The following PKIA variants were observed in gnomAD, a reference collection of about 807,000 sequenced individuals.
PKIA encodes the protein PKI-alpha.
In PKIA, 4 loss-of-function variants were observed where a neutral mutation model predicts 7.6. The observed-to-expected ratio is 0.52, with a 90% CI of 0.26 to 1.20. The LOEUF (loss-of-function observed/expected upper bound fraction) is 1.20. Among genes scored for constraint, PKIA ranks in the 50% most tolerant of loss-of-function variants. PKIA has a pLI of 0.13. For synonymous variants in PKIA, 21 were observed against 30.7 expected (o/e 0.68, Z 1.04); for missense variants, 73 against 86.2 (o/e 0.85, Z 0.61).
chr8:78,600,216 T>C (rs778989179), intron 3 of PKIA, among the ~76,000 whole-genome samples: 25 of 152,098 alleles, frequency 1.6e-4, no homozygotes, highest in Non-Finnish European at 3.2e-4. Context: ...AATAACTGTA[T>C]AATATGAAGA....
intron 2 of PKIA, among the ~76,000 whole-genome samples, chr8:78,573,894 A>G (rs1390289690): frequency 6.6e-6 from 1 of 151,930 alleles, no homozygotes; most frequent in Non-Finnish European, 1.5e-5. Flanking sequence ...CAAAACACAT[A>G]TTTGCCAAGG....
At chr8:78,547,792 G>A (rs1326559920) in intron 1 of PKIA, among the ~76,000 whole-genome samples, 1 of 152,062 alleles carries the variant, frequency 6.6e-6, no homozygotes, top group Non-Finnish European at 1.5e-5. Context: ...TCAAAAATTA[G>A]GAGGTTTACT....
At chr8:78,592,077 A>G (rs1177710857) in intron 2 of PKIA, among the ~76,000 whole-genome samples, 1 of 152,110 alleles carries the variant, frequency 6.6e-6, no homozygotes, top group Non-Finnish European at 1.5e-5. Flanking sequence ...TTTATCTCTC[A>G]GAGTCATATT....
intron 2 of PKIA, 30 bp from the exon 3 acceptor site, chr8:78,598,328 T>C: frequency 2.2e-6 from 3 of 1,378,770 alleles, no homozygotes; most frequent in East Asian, 2.3e-5. Context: ...TACCATTATA[T>C]TCACCTATTA....
intron 2 of PKIA, among the ~76,000 whole-genome samples, chr8:78,578,570 T>A (rs1807732561): frequency 6.6e-6 from 1 of 151,992 alleles, no homozygotes; most frequent in Non-Finnish European, 1.5e-5. Context: ...AAGCTCTCGT[T>A]AGAATATCAA....
chr8:78,518,095 CCTTT>C (rs1249577253), intron 1 of PKIA, among the ~76,000 whole-genome samples: 3 of 152,140 alleles, frequency 2.0e-5, no homozygotes, highest in African/African-American at 4.8e-5. Context: ...ATCATTATTG[CCTTT>C]CTATTACAAA....
chr8:78,598,143 T>C (rs1359468251), intron 2 of PKIA, among the ~76,000 whole-genome samples: 4 of 148,834 alleles, frequency 2.7e-5, no homozygotes, highest in Admixed American at 6.8e-5. Context: ...GAATATTAAA[T>C]ATTACATTTA....
intron 2 of PKIA, among the ~76,000 whole-genome samples, chr8:78,598,058 CATA>C (rs545400309): frequency 7.4e-5 from 11 of 147,798 alleles, no homozygotes; most frequent in African/African-American, 2.0e-4. Context: ...TGTAAAAATA[CATA>C]ATAATATGTA....
intron 2 of PKIA, among the ~76,000 whole-genome samples, chr8:78,589,404 G>T: frequency 6.6e-6 from 1 of 152,198 alleles, no homozygotes; most frequent in Non-Finnish European, 1.5e-5. Flanking sequence ...TCTAAAGAAA[G>T]ATAGTACTTC....
chr8:78,562,548 C>T (rs1195230711), intron 1 of PKIA, among the ~76,000 whole-genome samples: 3 of 152,144 alleles, frequency 2.0e-5, no homozygotes, highest in Non-Finnish European at 4.4e-5. Context: ...GGCATGTTTG[C>T]CTTTTTCAAG....
chr8:78,562,933 GA>G (rs1807318863), intron 1 of PKIA, among the ~76,000 whole-genome samples: 1 of 151,906 alleles, frequency 6.6e-6, no homozygotes, highest in East Asian at 1.9e-4. Flanking sequence ...AAAAAAATGA[GA>G]GACACTATGA....
At chr8:78,579,153 G>A (rs756036490) in intron 2 of PKIA, among the ~76,000 whole-genome samples, 1 of 151,760 alleles carries the variant, frequency 6.6e-6, no homozygotes, top group African/African-American at 2.4e-5. Flanking sequence ...ACCTCTCACC[G>A]TCTTCACCCT....
At chr8:78,561,534 A>C (rs1021368692) in intron 1 of PKIA, among the ~76,000 whole-genome samples, 1 of 151,914 alleles carries the variant, frequency 6.6e-6, no homozygotes, top group Non-Finnish European at 1.5e-5. Flanking sequence ...CTTCAAGTAC[A>C]TCTCACATAA....
intron 1 of PKIA, among the ~76,000 whole-genome samples, chr8:78,549,255 A>C (rs922674592): frequency 1.3e-5 from 2 of 151,984 alleles, no homozygotes; most frequent in African/African-American, 4.8e-5. Context: ...TTCAGATGCT[A>C]TGTGTTGTAT....
chr8:78,531,592 TG>T (rs1384206327), intron 1 of PKIA, among the ~76,000 whole-genome samples: 2 of 152,106 alleles, frequency 1.3e-5, no homozygotes, highest in African/African-American at 4.8e-5. Flanking sequence ...TTTTGACAGA[TG>T]GGCAAATTGA....
chr8:78,545,478 T>G (rs1806797238), intron 1 of PKIA, among the ~76,000 whole-genome samples: 1 of 152,006 alleles, frequency 6.6e-6, no homozygotes, highest in Admixed American at 6.6e-5. Context: ...CGATAAACAG[T>G]TTTGCTGGAA....
intron 1 of PKIA, among the ~76,000 whole-genome samples, chr8:78,520,919 G>T (rs1440942641): frequency 6.6e-6 from 1 of 152,038 alleles, no homozygotes; most frequent in African/African-American, 2.4e-5. Flanking sequence ...TTTTCCTTCT[G>T]TTTTTCTCCT....
chr8:78,562,990 C>T (rs917018918), intron 1 of PKIA, among the ~76,000 whole-genome samples: 5 of 151,984 alleles, frequency 3.3e-5, no homozygotes, highest in South Asian at 2.1e-4. Flanking sequence ...AGGAAAAAAT[C>T]TTCATTCAAT....
chr8:78,594,942 A>G (rs1808194749), intron 2 of PKIA, among the ~76,000 whole-genome samples: 1 of 152,150 alleles, frequency 6.6e-6, no homozygotes, highest in Non-Finnish European at 1.5e-5. Flanking sequence ...TAGACTGGAA[A>G]GGGTTTGGAA....
Sources: gnomAD v4.1 joint callset for allele counts (sites outside exome capture counted in the v4.1 genomes callset) on GRCh38, gnomAD v4.1.1 for gene constraint, MANE v1.5 for transcripts, NCBI Gene and HGNC (gene_info 2026-07-23, HGNC 2026-07-21) for gene names.